The following MIA2 variants were observed in gnomAD, a reference collection of about 807,000 sequenced individuals.
MIA2 encodes the protein MIA SH3 domain ER export factor 2, also known as melanoma inhibitory activity protein 2.
In MIA2, 127 loss-of-function variants were observed where a neutral mutation model predicts 167.8. That is an observed-to-expected ratio of 0.76 (90% CI 0.66 to 0.88). MIA2 has a LOEUF of 0.88. Among genes scored for constraint, MIA2 ranks in the 40% least tolerant of loss-of-function variants. The probability of loss-of-function intolerance (pLI) is 0.00; values close to 1 mark genes in which losing one functional copy is unlikely to be tolerated. For missense variants in MIA2, 1,690 were observed against 1,624.7 expected, an observed-to-expected ratio of 1.04 and a Z score of -0.69; for synonymous variants, 552 against 541.9, an observed-to-expected ratio of 1.02 and a Z score of -0.26.
intron 9 of MIA2, among the ~76,000 whole-genome samples, chr14:39,288,475 A>ATATATATT (rs1294270700): frequency 9.9e-5 from 5 of 50,518 alleles, no homozygotes; most frequent in Non-Finnish European, 1.2e-4. Flanking sequence ...ATATATATAT[A>ATATATATT]TTTTTTTTTT....
rs542688714 is a variant in MIA2, at chr14:39,293,546, G to C, written c.2319+165G>C. ...AGATCCATTCTTTTCACTTCCCCCAGATGTTACTGTGTTAAATTTCTTGCA... is the reference window on the plus strand; with the variant it reads ...AGATCCATTCTTTTCACTTCCCCCACATGTTACTGTGTTAAATTTCTTGCA... On this transcript the variant is annotated intron_variant, in intron 11 of 28. Transcript: ENST00000640607. Among the ~76,000 whole-genome samples, 26 of 152,218 alleles carry C rather than the reference G, an allele frequency of 1.7e-4. No individual in the cohort carries two copies. In the East Asian group the frequency reaches 2.3e-3, roughly 14 times the overall value.
chr14:39,337,879 G>A (rs552595720), intron 25 of MIA2, among the ~76,000 whole-genome samples: 66 of 152,006 alleles, frequency 4.3e-4, no homozygotes, highest in Non-Finnish European at 7.8e-4. Flanking sequence ...CACCATGCCC[G>A]GCCAGGCTAA....
chr14:39,237,100 C>G, intron 2 of MIA2, 45 bp downstream of exon 2: 1 of 1,597,734 alleles, frequency 6.3e-7, no homozygotes, highest in South Asian at 1.1e-5. Context: ...AAATGACCAA[C>G]TTGCACAAAG....
At chr14:39,293,862 C>T (rs1358288001) in intron 11 of MIA2, 138 bp from the exon 12 acceptor site, 2 of 662,526 alleles carry the variant, frequency 3.0e-6, no homozygotes, top group Non-Finnish European at 5.3e-6. Context: ...TAGCATATGG[C>T]TAAATAAACT....
chr14:39,304,395 A>G lies in MIA2; in HGVS notation c.2878+14A>G, dbSNP rs2062995382. The G allele has an allele frequency of 7.2e-7, 1 of 1,385,726 alleles. No homozygotes were observed. Among genetic ancestry groups the G allele is most frequent in the Non-Finnish European group, 9.9e-7 (1 of 1,010,358 alleles). 85.8% of individuals were successfully genotyped at this position (1,385,726 alleles called of 1,614,324 possible). A position where few individuals can be genotyped will look rare whatever the true frequency, so the allele number is the denominator to read the frequency against. ...AAGAGCTTACAGGTAGGTCATTGAC[A>G]TACATACTTTTAATGTTTTTCTAAG... On this transcript the variant is annotated intron_variant, in intron 17 of 28. Coordinates refer to ENST00000640607, the MANE Select transcript of MIA2 (RefSeq NM_001329214.4).
chr14:39,238,811 A>AAAAAAAAAAAAAAAACAAAAAAC, intron 2 of MIA2, among the ~76,000 whole-genome samples: 5 of 103,626 alleles, frequency 4.8e-5, no homozygotes, highest in African/African-American at 1.2e-4. Context: ...AAAAAAAAAA[A>AAAAAAAAAAAAAAAACAAAAAAC]CCCAAAAAAC....
At chr14:39,344,116 A>G (rs2072671429) in intron 25 of MIA2, among the ~76,000 whole-genome samples, 1 of 152,348 alleles carries the variant, frequency 6.6e-6, no homozygotes, top group African/African-American at 2.4e-5. Context: ...GGCCTTGGTA[A>G]GATTTAAGGA....
rs1262568616 is a variant in MIA2, at chr14:39,373,876, C to T, written c.2249-13009C>T. 3.3e-5 allele frequency among the ~76,000 whole-genome samples: 5 copies of T among 151,992 alleles called. No homozygotes were observed. In the East Asian group the frequency reaches 9.7e-4, roughly 29 times the overall value. On this transcript the variant is annotated intron_variant, in intron 23 of 23. Transcript: ENST00000341502. ...AAACAGTCATAAGAAAAAAAACAAA[C>T]TCTGGCCAGGTGCAGTGGTTCATGC...
At chr14:39,263,983 T>C (rs1042555866) in intron 6 of MIA2, among the ~76,000 whole-genome samples, 2 of 152,144 alleles carry the variant, frequency 1.3e-5, no homozygotes, top group African/African-American at 2.4e-5. Context: ...AAGGGGTACA[T>C]GTACAGGTTT....
At chr14:39,242,740 C>T (rs962770233) in intron 3 of MIA2, among the ~76,000 whole-genome samples, 3 of 152,172 alleles carry the variant, frequency 2.0e-5, no homozygotes, top group Admixed American at 6.6e-5. Flanking sequence ...GTCAAGTTCC[C>T]TGGGAAACAG....
chr14:39,277,704 A>ATT (rs1566683657), intron 7 of MIA2, among the ~76,000 whole-genome samples: 3 of 6,522 alleles, frequency 4.6e-4, no homozygotes, highest in African/African-American at 3.1e-3. Flanking sequence ...ATATATATAT[A>ATT]TATATATATA....
Position 39,279,523 on chromosome 14 carries a change from C to A in MIA2, c.2116C>A (p.Leu706Ile). 6.2e-7 allele frequency: 1 copy of A among 1,602,560 alleles called. No individual in the cohort carries two copies. The highest frequency in any genetic ancestry group is 1.1e-5 in the South Asian group (1 of 88,850). Residue 706 changes from leucine to isoleucine, a missense_variant, in exon 9 of 29, where the codon CTT (leucine) becomes ATT (isoleucine). By Grantham distance (5) the Leu-to-Ile change is conservative. Coordinates refer to ENST00000640607, the MANE Select transcript of MIA2 (RefSeq NM_001329214.4). ...EKSKLLEKFS[L>I]VQKEYEGYEV... ...AAGTAAACTACTTGAAAAATTTAGC[C>A]TTGTTCAAAAAGAGGTAAGATATTT...
At chr14:39,350,964 T>C (rs2074328312), downstream of MIA2, 1 of 118,334 alleles carries the variant, frequency 8.5e-6, no homozygotes, top group Non-Finnish European at 1.7e-5. Flanking sequence ...TTATTGCTTT[T>C]TTTTCCCCGC....
intron 24 of MIA2, among the ~76,000 whole-genome samples, chr14:39,326,653 A>G (rs1180957976): frequency 6.7e-6 from 1 of 149,004 alleles, no homozygotes; most frequent in African/African-American, 2.4e-5. Context: ...TTTATTTTAT[A>G]TTATATTTTT....
In MIA2 at chr14:39,386,297, T is replaced by G. The variant is rs531962398; in HGVS notation, c.2249-588T>G. ...TAATTTCTCTGAGGAATTTCTGGCC[T>G]CCAAAGTGACTGTGCTGGGACCATC... On this transcript the variant is annotated intron_variant, in intron 23 of 23. Coordinates refer to the MIA2 transcript ENST00000341502. 91 of 1,481,528 alleles carry G rather than the reference T, an allele frequency of 6.1e-5. No individual in the cohort carries two copies. In the African/African-American group the frequency reaches 1.1e-3, roughly 18 times the overall value. 91.8% of individuals were successfully genotyped at this position (1,481,528 alleles called of 1,614,324 possible).
At chr14:39,311,017 T>C (rs2064143467) in intron 18 of MIA2, among the ~76,000 whole-genome samples, 1 of 152,200 alleles carries the variant, frequency 6.6e-6, no homozygotes. Context: ...TTTTTGAGTG[T>C]ATCTTTTGAA....
chr14:39,302,666 C>T (rs1170771489), intron 15 of MIA2, among the ~76,000 whole-genome samples: 2 of 152,176 alleles, frequency 1.3e-5, no homozygotes, highest in Non-Finnish European at 2.9e-5. Flanking sequence ...CAGATGGTTA[C>T]AGTACTTTTA....
chr14:39,312,513 T>G (rs897151732), intron 18 of MIA2, among the ~76,000 whole-genome samples: 1 of 152,240 alleles, frequency 6.6e-6, no homozygotes, highest in South Asian at 2.1e-4. Flanking sequence ...AGGGAAGATA[T>G]CCATTTAGGA....
At chr14:39,346,675 A>G (rs2073323750) in intron 26 of MIA2, among the ~76,000 whole-genome samples, 1 of 148,428 alleles carries the variant, frequency 6.7e-6, no homozygotes, top group Non-Finnish European at 1.5e-5. Flanking sequence ...TTAAATATAT[A>G]TAATAAATAA....
Sources: allele counts gnomAD v4.1 joint callset (sites outside exome capture counted in the v4.1 genomes callset), GRCh38; gene constraint gnomAD v4.1.1; transcripts MANE v1.5; gene names NCBI Gene and HGNC (gene_info 2026-07-23, HGNC 2026-07-21).